PNPLA7: variants seen among roughly 807,000 people sequenced by gnomAD.
PNPLA7 encodes the protein patatin like domain 7, lysophospholipase.
A neutral mutation model predicts 161.7 loss-of-function variants in PNPLA7; 153 were observed. The ratio of observed to expected loss-of-function variants is 0.95; its 90% CI spans 0.83 to 1.08. The LOEUF (loss-of-function observed/expected upper bound fraction) is 1.08. Ranked by LOEUF, PNPLA7 falls within the 50% of genes least tolerant of loss-of-function variation. The probability of loss-of-function intolerance (pLI) is 0.00; values close to 1 mark genes in which losing one functional copy is unlikely to be tolerated. For synonymous variants in PNPLA7, 809 were observed against 782.1 expected (o/e 1.03, Z -0.57); for missense variants, 1,739 against 1,856.6 (o/e 0.94, Z 1.16).
chr9:137,462,066 CAGG>C (rs1831235372), intron 31 of PNPLA7, 25 bp from the exon 32 acceptor site: 1 of 1,551,712 alleles, frequency 6.4e-7, no homozygotes, highest in East Asian at 2.4e-5. Flanking sequence ...AGGGCCCCGT[CAGG>C]AGGTGTGGGG....
At chr9:137,478,265 A>G (rs1717194107) in intron 24 of PNPLA7, 113 bp from the exon 25 acceptor site, 1 of 774,966 alleles carries the variant, frequency 1.3e-6, no homozygotes, top group Admixed American at 4.3e-5. Context: ...AACTGACCCC[A>G]AATCCTCTCC....
At chr9:137,512,203 T>C (rs1204852850) in intron 12 of PNPLA7, among the ~76,000 whole-genome samples, 1 of 152,248 alleles carries the variant, frequency 6.6e-6, no homozygotes, top group Non-Finnish European at 1.5e-5. Flanking sequence ...CGTGACTCCA[T>C]GACCCAGCAG....
At chr9:137,549,215 T>G (rs984861119) in intron 1 of PNPLA7, among the ~76,000 whole-genome samples, 4 of 152,008 alleles carry the variant, frequency 2.6e-5, no homozygotes, top group African/African-American at 9.7e-5. Flanking sequence ...GGGCACAGTG[T>G]CTCACGCCTG....
chr9:137,473,856 G>A (rs1324206175), intron 25 of PNPLA7, among the ~76,000 whole-genome samples: 1 of 152,202 alleles, frequency 6.6e-6, no homozygotes, highest in Non-Finnish European at 1.5e-5. Flanking sequence ...TGGTGGGAGT[G>A]TAAAACAATA....
chr9:137,532,867 G>A (rs1410105766), intron 8 of PNPLA7, among the ~76,000 whole-genome samples: 2 of 152,172 alleles, frequency 1.3e-5, no homozygotes, highest in Admixed American at 6.5e-5. Context: ...ATCAGGTGTG[G>A]CTACGAATCC....
rs1330519466 is a variant in PNPLA7, at chr9:137,492,364, C to G, written c.2197+649G>C. 3.1e-6 allele frequency: 3 copies of G among 975,624 alleles called. 1 individual carries two copies. The South Asian group carries it at 1.4e-4, about 46-fold the overall frequency. The allele number at this position is 975,624 out of a possible 1,614,324, so 60.4% of individuals were successfully genotyped here. ...AGGAGGGAGATATATCACATTTCAT[C>G]TTTTCACATATAGCAGAGCTTTCCT... On this transcript the variant is annotated intron_variant, in intron 20 of 34. Transcript: ENST00000406427.
At chr9:137,516,137 A>G (rs883702) in intron 11 of PNPLA7, among the ~76,000 whole-genome samples, 2,682 of 28,116 alleles carry the variant, frequency 0.095, 304 homozygotes, top group African/African-American at 0.31. Flanking sequence ...CCCCTGCCCC[A>G]TTCCGAGGCC....
intron 19 of PNPLA7, 80 bp downstream of exon 19, chr9:137,494,953 C>CGCTCCGCCCTCACCT: frequency 7.6e-7 from 1 of 1,318,330 alleles, no homozygotes; most frequent in Non-Finnish European, 1.1e-6. Flanking sequence ...TGCCCTCACC[C>CGCTCCGCCCTCACCT]GCTCCGCCCT....
chr9:137,461,696 G>T, intron 32 of PNPLA7, 76 bp from the exon 33 acceptor site: 1 of 1,428,182 alleles, frequency 7.0e-7, no homozygotes, highest in Non-Finnish European at 9.6e-7. Context: ...CTGTGGGGAG[G>T]CCCCACCCAC....
chr9:137,542,633 G>A lies in PNPLA7; in HGVS notation c.666+9C>T. ...CCGCCTGACCCCGCCCCGCCGCCCT[G>A]CGACTCACAGTGTCCTGGATGCAGA... On this transcript the variant is annotated intron_variant, in intron 7 of 34. Transcript: ENST00000406427. 6.3e-7 allele frequency: 1 copy of A among 1,581,272 alleles called. No homozygotes were observed. The highest frequency in any genetic ancestry group is 8.6e-7 in the Non-Finnish European group (1 of 1,157,680).
At position 137,463,485 on chromosome 9, in the gene PNPLA7, G is replaced by A; in HGVS notation, c.3273C>T (p.Tyr1091=). The change falls in exon 29 of 35, where the codon TAC becomes TAT. Residue 1091 remains tyrosine, a synonymous_variant. Coordinates refer to ENST00000406427, the MANE Select transcript of PNPLA7 (RefSeq NM_001098537.3). The part of the protein sequence containing the change: ...YVRASMSLSG[Y]MPPLCDPKDG... ...CCTTCGGGTCACAGAGAGGGGGCAT[G>A]TAACCGGACAGGGACATGCTGGCAC... 6.3e-7 allele frequency: 1 copy of A among 1,591,796 alleles called. No individual in the cohort carries two copies. The highest frequency in any genetic ancestry group is 8.6e-7 in the Non-Finnish European group (1 of 1,169,436).
chr9:137,478,231 GGA>G (rs1832034779), intron 24 of PNPLA7, 79 bp from the exon 25 acceptor site: 1 of 1,114,810 alleles, frequency 9.0e-7, no homozygotes, highest in Non-Finnish European at 1.2e-6. Flanking sequence ...TTGACTGGGG[GGA>G]GTTTCCTCCA....
rs962668584 is a variant in PNPLA7 at position 137,500,042 on chromosome 9, A to G, written c.1757+649T>C. ...CAGAATGCCCAGTGCCGTGGATGCA[A>G]AGACGTGGCGGCTCTGCCAGGCAGC... On this transcript the variant is annotated intron_variant, in intron 16 of 34. Coordinates refer to ENST00000406427, the MANE Select transcript of PNPLA7 (RefSeq NM_001098537.3). This position sits in a 1 kb window ranked among gnomAD's most constrained non-coding sequence, Gnocchi z 5.5. Among the ~76,000 whole-genome samples the G allele has an allele frequency of 3.9e-5, 6 of 152,212 alleles. No individual in the cohort carries two copies. The highest frequency in any genetic ancestry group is 7.2e-5 in the African/African-American group (3 of 41,450).
rs752785063 is a variant in PNPLA7 at position 137,505,723 on chromosome 9, G to A, written c.1364C>T (p.Thr455Met). The A allele has an allele frequency of 6.2e-6, 10 of 1,614,084 alleles. No individual in the cohort carries two copies. The highest frequency in any genetic ancestry group is 4.5e-5 in the East Asian group (2 of 44,892). The change falls in exon 14 of 35, where the codon ACG becomes ATG. Residue 455 changes from threonine to methionine, a missense_variant. This residue lies in a region of PNPLA7 where 481 missense variants were observed against 450.0 expected (regional missense o/e 1.07). Coordinates refer to ENST00000406427, the MANE Select transcript of PNPLA7 (RefSeq NM_001098537.3). ...KSVMVAEIPS[T>M]VSQHSESHTD... Reference sequence around the variant, plus strand: ...GTGACTCTCTGAGTGCTGGGAGACCGTGGAGGGTATCTCTGCAACCATCAC... The same window carrying A: ...GTGACTCTCTGAGTGCTGGGAGACCATGGAGGGTATCTCTGCAACCATCAC...
chr9:137,511,076 C>T (rs1297184491), intron 12 of PNPLA7, among the ~76,000 whole-genome samples: 2 of 152,268 alleles, frequency 1.3e-5, no homozygotes, highest in South Asian at 2.1e-4. Flanking sequence ...CTCTCTGTCA[C>T]GCCCAGATAA....
intron 20 of PNPLA7, among the ~76,000 whole-genome samples, chr9:137,489,895 T>G (rs1308408906): frequency 6.6e-6 from 1 of 152,186 alleles, no homozygotes; most frequent in Non-Finnish European, 1.5e-5. Flanking sequence ...TTGTGCCACT[T>G]TATTTCCAGA....
intron 8 of PNPLA7, among the ~76,000 whole-genome samples, chr9:137,533,223 G>A (rs1835676493): frequency 6.8e-6 from 1 of 146,192 alleles, no homozygotes. Flanking sequence ...CCCCAACAGT[G>A]TCCACTCCAG....
intron 30 of PNPLA7, 173 bp from the exon 31 acceptor site, chr9:137,462,504 G>A: frequency 7.2e-7 from 1 of 1,382,986 alleles, no homozygotes; most frequent in East Asian, 2.5e-5. Context: ...ACAGCCTTCA[G>A]GCCCGTCCGG....
At chr9:137,480,161 T>C (rs1588561932) in intron 23 of PNPLA7, 151 bp downstream of exon 23, 1 of 1,219,384 alleles carries the variant, frequency 8.2e-7, no homozygotes, top group South Asian at 1.6e-5. Flanking sequence ...CAGCACCGTG[T>C]TTTTAAAACA....
Sources: gnomAD v4.1 joint callset for allele counts (sites outside exome capture counted in the v4.1 genomes callset) on GRCh38, gnomAD v4.1.1 for gene constraint, gnomAD v4.1.1 regional missense constraint, Gnocchi (gnomAD v3.1) non-coding constraint, MANE v1.5 for transcripts, NCBI Gene and HGNC (gene_info 2026-07-23, HGNC 2026-07-21) for gene names.